The following AEBP2 variants were observed in gnomAD, a reference collection of about 807,000 sequenced individuals.
The protein encoded by AEBP2 is zinc finger protein AEBP2.
AEBP2 carries 10 observed loss-of-function variants against 50.8 expected under a neutral mutation model. The observed-to-expected ratio is 0.20, with a 90% CI of 0.12 to 0.33. AEBP2 has a LOEUF of 0.33. Ranked by LOEUF, AEBP2 falls within the 10% of genes least tolerant of loss-of-function variation. The pLI is 1.00. For synonymous variants in AEBP2, 296 were observed against 261.3 expected, an observed-to-expected ratio of 1.13 and a Z score of -1.28; for missense variants, 570 against 688.0, an observed-to-expected ratio of 0.83 and a Z score of 1.92.
At chr12:19,499,602 A>G (rs1172114854) in intron 4 of AEBP2, among the ~76,000 whole-genome samples, 1 of 147,562 alleles carries the variant, frequency 6.8e-6, no homozygotes, top group Non-Finnish European at 1.5e-5. Context: ...TGAAGGAGTG[A>G]GACTCTGTCT....
chr12:19,479,717 G>GTTTTTTTTTTTTTTTTTTTT lies in AEBP2; in HGVS notation c.987+6374_987+6393dup, dbSNP rs369410408. ...ATTATTTAATGTCACCTCTTTGTGG[G>GTTTTTTTTTTTTTTTTTTTT]TTTTTTTTTTTTTTTTTTTTTTTTT... On this transcript the variant is annotated intron_variant, in intron 3 of 7. Coordinates refer to ENST00000266508, the MANE Select transcript of AEBP2 (RefSeq NM_153207.5). Among the ~76,000 whole-genome samples, 8 of 22,346 alleles carry GTTTTTTTTTTTTTTTTTTTT rather than the reference G, an allele frequency of 3.6e-4. 1 individual carries two copies. The highest frequency in any genetic ancestry group is 4.8e-4 in the African/African-American group (3 of 6,264). The allele number at this position is 22,346 out of a possible 152,430, so 14.7% of individuals were successfully genotyped here.
At chr12:19,485,809 C>G (rs570797327) in intron 3 of AEBP2, among the ~76,000 whole-genome samples, 1 of 151,360 alleles carries the variant, frequency 6.6e-6, no homozygotes, top group East Asian at 2.0e-4. Context: ...AATGTAAGTT[C>G]TTCAATAGTG....
intron 5 of AEBP2, among the ~76,000 whole-genome samples, chr12:19,506,874 G>A (rs1440327057): frequency 1.3e-5 from 2 of 152,146 alleles, no homozygotes; most frequent in Non-Finnish European, 2.9e-5. Context: ...TAGAATAAGA[G>A]GTAACAGCAA....
exon 1 of AEBP2, chr12:19,404,129 T>C (rs2095734760): frequency 6.6e-6 from 1 of 152,298 alleles, no homozygotes; most frequent in African/African-American, 2.4e-5. Flanking sequence ...GTCAAGGTGA[T>C]TATATCGCAG....
chr12:19,446,584 T>C (rs554522085), intron 1 of AEBP2, among the ~76,000 whole-genome samples: 1 of 152,048 alleles, frequency 6.6e-6, no homozygotes, highest in Non-Finnish European at 1.5e-5. Flanking sequence ...AGAAAAAAAT[T>C]AGCTGGGCGT....
rs1948402054 is a variant in AEBP2 at position 19,462,788 on chromosome 12, G to C, written c.879+71G>C. ...TTATTAATTTATAATTGCTAGTTAG[G>C]CTTTTTTGCTGAAAGTAATTTGGGA... On this transcript the variant is annotated intron_variant, in intron 2 of 7. Coordinates refer to ENST00000266508, the MANE Select transcript of AEBP2 (RefSeq NM_153207.5). The C allele has an allele frequency of 1.6e-5, 22 of 1,358,430 alleles. No homozygotes were observed. In the South Asian group the frequency reaches 2.9e-4, roughly 18 times the overall value. 84.1% of individuals were successfully genotyped at this position (1,358,430 alleles called of 1,614,324 possible).
chr12:19,447,972 G>A lies in AEBP2; in HGVS notation c.671+7602G>A, dbSNP rs144585806. 3.8e-3 allele frequency among the ~76,000 whole-genome samples: 585 copies of A among 152,296 alleles called. 1 individual carries two copies. Among genetic ancestry groups the A allele is most frequent in the Middle Eastern group, 0.017 (5 of 294 alleles). On this transcript the variant is annotated intron_variant, in intron 1 of 7. Coordinates refer to ENST00000266508, the MANE Select transcript of AEBP2 (RefSeq NM_153207.5). ...TGGATTATCTTCTTTAGACAAACTC[G>A]GAATATTGCCGTGTGTGGCTTTGTT... is the stretch of plus-strand genomic sequence containing the variant.
rs78449479 is a variant in AEBP2, at chr12:19,497,570, G to A, written c.1175-2527G>A. On this transcript the variant is annotated intron_variant, in intron 4 of 7. Coordinates refer to ENST00000266508, the MANE Select transcript of AEBP2 (RefSeq NM_153207.5). ...TCACAGCAACCAGTGCCTCCCAGGT[G>A]CAATCAATTCCCGTGCGTCAGCTTC... is the stretch of plus-strand genomic sequence containing the variant. Among the ~76,000 whole-genome samples the A allele has an allele frequency of 6.4e-4, 98 of 152,104 alleles. 3 individuals carry two copies. In the East Asian group the frequency reaches 0.017, roughly 26 times the overall value.
Position 19,439,774 on chromosome 12 carries a change from GGGTTCGGCGGCGCGGGGCCGGGCT to G in AEBP2, c.77_100del (p.Gly26_Ala33del). The stretch of plus-strand genomic sequence containing the variant: ...TGAGCCCTCTGCCCCCCGGCAGCCC[GGGTTCGGCGGCGCGGGGCCGGGCT>G]GAGCCCCCCGAGGAGGAGGAGGAAG... On this transcript the variant is annotated inframe_deletion, in exon 1 of 8. Coordinates refer to ENST00000266508, the MANE Select transcript of AEBP2 (RefSeq NM_153207.5). 1 of 1,516,654 alleles carries G rather than the reference GGGTTCGGCGGCGCGGGGCCGGGCT, an allele frequency of 6.6e-7. No homozygotes were observed. The highest frequency in any genetic ancestry group is 8.8e-7 in the Non-Finnish European group (1 of 1,138,924). The allele number at this position is 1,516,654 out of a possible 1,614,324, so 93.9% of individuals were successfully genotyped here.
intron 5 of AEBP2, among the ~76,000 whole-genome samples, chr12:19,507,241 A>G (rs1025657662): frequency 6.6e-6 from 1 of 152,166 alleles, no homozygotes; most frequent in Non-Finnish European, 1.5e-5. Flanking sequence ...ATTTAGTGAA[A>G]TGGTGGTCTA....
At chr12:19,452,543 TTTCA>T (rs1301846060) in intron 1 of AEBP2, among the ~76,000 whole-genome samples, 1 of 152,132 alleles carries the variant, frequency 6.6e-6, no homozygotes, top group Non-Finnish European at 1.5e-5. Flanking sequence ...GAAGTACCTG[TTTCA>T]TTTGGTTGTT....
intron 5 of AEBP2, among the ~76,000 whole-genome samples, chr12:19,503,736 C>T (rs560209423): frequency 6.6e-6 from 1 of 151,776 alleles, no homozygotes; most frequent in South Asian, 2.1e-4. Context: ...GTTGCCCAGG[C>T]TGGTTTTGAA....
intron 1 of AEBP2, among the ~76,000 whole-genome samples, chr12:19,426,357 G>A (rs2095748576): frequency 6.6e-6 from 1 of 152,178 alleles, no homozygotes; most frequent in Non-Finnish European, 1.5e-5. Flanking sequence ...AGAGGAGAGA[G>A]CTGAAATTCC....
At chr12:19,503,573 C>G (rs1949114175) in intron 5 of AEBP2, among the ~76,000 whole-genome samples, 1 of 151,902 alleles carries the variant, frequency 6.6e-6, no homozygotes, top group Admixed American at 6.6e-5. Flanking sequence ...TCGATTTCCT[C>G]TTTTCCTATT....
chr12:19,449,542 T>C (rs1022306446), intron 1 of AEBP2, among the ~76,000 whole-genome samples: 2 of 152,256 alleles, frequency 1.3e-5, no homozygotes, highest in African/African-American at 4.8e-5. Context: ...CTATATTTCA[T>C]CATTGTTGCA....
At chr12:19,421,841 T>A (rs2095745992) in intron 1 of AEBP2, among the ~76,000 whole-genome samples, 1 of 152,132 alleles carries the variant, frequency 6.6e-6, no homozygotes, top group African/African-American at 2.4e-5. Flanking sequence ...TACAAATATC[T>A]TCAGTATTTA....
chr12:19,456,551 C>A (rs1313198404), intron 1 of AEBP2: 6 of 1,536,150 alleles, frequency 3.9e-6, no homozygotes, highest in Non-Finnish European at 5.4e-6. Flanking sequence ...TGTGGCAATC[C>A]AGTACAGGGG....
upstream of AEBP2, among the ~76,000 whole-genome samples, chr12:19,439,217 C>T (rs1947893693): frequency 6.6e-6 from 1 of 152,230 alleles, no homozygotes; most frequent in Non-Finnish European, 1.5e-5. Context: ...AGAGGGGACA[C>T]TCCTCAAACA....
At chr12:19,440,495 A>C in intron 1 of AEBP2, 125 bp downstream of exon 1, 1 of 1,390,930 alleles carries the variant, frequency 7.2e-7, no homozygotes, top group Non-Finnish European at 9.4e-7. Context: ...CCTCCCCCAG[A>C]CTCTCAACTC....
Sources: gnomAD v4.1 joint callset for allele counts (sites outside exome capture counted in the v4.1 genomes callset) on GRCh38, gnomAD v4.1.1 for gene constraint, MANE v1.5 for transcripts, NCBI Gene and HGNC (gene_info 2026-07-23, HGNC 2026-07-21) for gene names.